Variants in ACVR1B observed in about 807,000 individuals in gnomAD.
ACVR1B encodes the protein activin receptor type-1B.
Under a neutral mutation model 55.6 loss-of-function variants are expected in ACVR1B, and 15 were observed. That is an observed-to-expected ratio of 0.27 (90% confidence interval 0.18 to 0.42). The LOEUF is 0.42. Among genes scored for constraint, ACVR1B ranks in the 10% least tolerant of loss-of-function variants. The probability of loss-of-function intolerance (pLI) is 1.00; values close to 1 mark genes in which losing one functional copy is unlikely to be tolerated. For synonymous variants in ACVR1B, 247 were observed against 254.6 expected, an observed-to-expected ratio of 0.97 and a Z score of 0.28; for missense variants, 359 against 670.1, an observed-to-expected ratio of 0.54 and a Z score of 5.13.
chr12:51,994,004 A>AGAT lies in ACVR1B; in HGVS notation c.1417_1419dup (p.Met473dup). 1 of 1,614,094 alleles carries AGAT rather than the reference A, an allele frequency of 6.2e-7. No individual in the cohort carries two copies. ...GCACAGGCACTGCGGGTGATGGGGA[A>AGAT]GATGATGCGAGAGTGTTGGTATGCC... On this transcript the variant is annotated inframe_insertion, in exon 9 of 9. Coordinates refer to ENST00000257963, the MANE Select transcript of ACVR1B (RefSeq NM_004302.5). The surrounding 1 kb of genome is among the most constrained non-coding windows in gnomAD (Gnocchi z 4.2).
At chr12:51,992,257 C>T (rs948098838) in intron 8 of ACVR1B, 3 of 493,480 alleles carry the variant, frequency 6.1e-6, no homozygotes, top group African/African-American at 3.9e-5. Context: ...GTAATCGTAG[C>T]GCTTTGAGAG....
intron 4 of ACVR1B, 59 bp from the exon 5 acceptor site, chr12:51,983,939 AC>A (rs1462627453): frequency 1.0e-4 from 162 of 1,583,886 alleles, no homozygotes; most frequent in Non-Finnish European, 1.3e-4. Flanking sequence ...ATCCTTACCA[AC>A]CTTCACTGTT....
intron 3 of ACVR1B, among the ~76,000 whole-genome samples, chr12:51,977,706 C>T (rs1454185369): frequency 6.8e-6 from 1 of 147,608 alleles, no homozygotes; most frequent in East Asian, 2.0e-4. Context: ...GCAGCCTTAA[C>T]CTCCTGGGCT....
intron 3 of ACVR1B, among the ~76,000 whole-genome samples, chr12:51,980,551 C>T (rs1941958394): frequency 6.6e-6 from 1 of 152,148 alleles, no homozygotes; most frequent in Non-Finnish European, 1.5e-5. Context: ...AAGGTGGCCC[C>T]CAGCACATGA....
intron 7 of ACVR1B, among the ~76,000 whole-genome samples, chr12:51,991,130 AT>A (rs1942184934): frequency 6.6e-6 from 1 of 152,180 alleles, no homozygotes; most frequent in Admixed American, 6.5e-5. Flanking sequence ...AAAATACTTG[AT>A]TCTTTCCACT....
At chr12:51,988,359 C>T (rs1209815097) in intron 7 of ACVR1B, among the ~76,000 whole-genome samples, 2 of 152,164 alleles carry the variant, frequency 1.3e-5, no homozygotes, top group African/African-American at 2.4e-5. Flanking sequence ...GTCCCAGCTA[C>T]TTGGGAGGCT....
chr12:51,993,627 C>T (rs367865494), intron 8 of ACVR1B, among the ~76,000 whole-genome samples: 2 of 151,792 alleles, frequency 1.3e-5, no homozygotes, highest in Admixed American at 6.6e-5. Context: ...ATCAGCTGGG[C>T]GTAGTGGTGT....
intron 1 of ACVR1B, among the ~76,000 whole-genome samples, chr12:51,952,643 C>A (rs1393854239): frequency 6.6e-6 from 1 of 152,146 alleles, no homozygotes; most frequent in African/African-American, 2.4e-5. Context: ...TCGCCTCCCC[C>A]ACCCTACCCC....
At chr12:51,984,723 G>A (rs1942046561) in intron 5 of ACVR1B, among the ~76,000 whole-genome samples, 1 of 152,180 alleles carries the variant, frequency 6.6e-6, no homozygotes, top group Non-Finnish European at 1.5e-5. Flanking sequence ...CTGATGCCTG[G>A]TTGACCAGGG....
intron 6 of ACVR1B, among the ~76,000 whole-genome samples, chr12:51,986,415 T>C (rs1391978003): frequency 1.3e-5 from 2 of 152,114 alleles, no homozygotes; most frequent in South Asian, 2.1e-4. Flanking sequence ...CCTGCCACCA[T>C]GCCTGGCTAA....
chr12:51,989,466 G>A (rs1410615676), intron 7 of ACVR1B, among the ~76,000 whole-genome samples: 1 of 151,878 alleles, frequency 6.6e-6, no homozygotes, highest in Non-Finnish European at 1.5e-5. Context: ...TCTGTTTTTA[G>A]TAGTGATGGG....
At chr12:51,987,481 C>A in intron 7 of ACVR1B, 1 of 278,300 alleles carries the variant, frequency 3.6e-6, no homozygotes, top group Non-Finnish European at 6.8e-6. Flanking sequence ...GAAATAGTAT[C>A]AGATTTAGCA....
chr12:51,994,451 C>T lies in ACVR1B; in HGVS notation c.*341C>T, dbSNP rs1469935556. 1.0e-5 allele frequency: 3 copies of T among 291,922 alleles called. No individual in the cohort carries two copies. Among genetic ancestry groups the T allele is most frequent in the East Asian group, 9.6e-5 (1 of 10,396 alleles). The allele number at this position is 291,922 out of a possible 1,614,324, so 18.1% of individuals were successfully genotyped here. On this transcript the variant is annotated 3_prime_UTR_variant, in exon 9 of 9. Coordinates refer to ENST00000257963, the MANE Select transcript of ACVR1B (RefSeq NM_004302.5). This position sits in a 1 kb window ranked among gnomAD's most constrained non-coding sequence, Gnocchi z 4.2. ...CATGACAGGGGCGCTTGGGAGGGGC[C>T]GGAGGAACCGAGGTGTTGCCAGTGC... is the stretch of plus-strand genomic sequence containing the variant.
At chr12:51,977,200 A>C (rs1216336429) in intron 3 of ACVR1B, among the ~76,000 whole-genome samples, 1 of 152,214 alleles carries the variant, frequency 6.6e-6, no homozygotes, top group African/African-American at 2.4e-5. Context: ...ACGAGAATTT[A>C]AGATAAAGGA....
At chr12:51,965,183 C>G (rs1207753740) in intron 1 of ACVR1B, among the ~76,000 whole-genome samples, 2 of 152,016 alleles carry the variant, frequency 1.3e-5, no homozygotes, top group African/African-American at 4.8e-5. Flanking sequence ...CTAAGAAACC[C>G]TGGAGGAATA....
chr12:51,982,938 T>C (rs938459834), intron 4 of ACVR1B: 2 of 910,228 alleles, frequency 2.2e-6, no homozygotes, highest in African/African-American at 1.7e-5. Context: ...CTGGTTAGAG[T>C]GCGAGAAGCA....
At chr12:51,963,529 C>T (rs147101598) in intron 1 of ACVR1B, among the ~76,000 whole-genome samples, 1,524 of 152,338 alleles carry the variant, frequency 0.01, 28 homozygotes, top group African/African-American at 0.035. Context: ...TGAGCCACCA[C>T]GCCTGGCCGA....
intron 5 of ACVR1B, among the ~76,000 whole-genome samples, chr12:51,984,723 G>C (rs1942046561): frequency 6.6e-6 from 1 of 152,180 alleles, no homozygotes; most frequent in South Asian, 2.1e-4. Context: ...CTGATGCCTG[G>C]TTGACCAGGG....
chr12:51,966,965 G>A (rs1054267473), intron 1 of ACVR1B, among the ~76,000 whole-genome samples: 11 of 152,336 alleles, frequency 7.2e-5, no homozygotes, highest in African/African-American at 2.6e-4. Flanking sequence ...GGTAGGCCGG[G>A]CGCAGTGGCT....
Sources: allele counts gnomAD v4.1 joint callset (sites outside exome capture counted in the v4.1 genomes callset), GRCh38; gene constraint gnomAD v4.1.1; non-coding constraint Gnocchi (gnomAD v3.1); transcripts MANE v1.5; gene names NCBI Gene and HGNC (gene_info 2026-07-23, HGNC 2026-07-21).